Variants in SLC6A19 observed in about 807,000 individuals in gnomAD.
SLC6A19 encodes the protein sodium-dependent neutral amino acid transporter B(0)AT1.
In SLC6A19, 67 loss-of-function variants were observed where a neutral mutation model predicts 68.3. The observed-to-expected ratio is 0.98, with a 90% CI of 0.81 to 1.20. The LOEUF (loss-of-function observed/expected upper bound fraction) is 1.20. Ranked by LOEUF, SLC6A19 falls within the 50% of genes most tolerant of loss-of-function variation. The pLI, the probability that SLC6A19 is intolerant of heterozygous loss-of-function variation, is 0.00. For missense variants in SLC6A19, 813 were observed against 851.6 expected, an observed-to-expected ratio of 0.95 and a Z score of 0.56; for synonymous variants, 392 against 374.9, an observed-to-expected ratio of 1.05 and a Z score of -0.53.
chr5:1,210,388 G>C, intron 2 of SLC6A19, 56 bp from the exon 3 acceptor site: 2 of 1,606,062 alleles, frequency 1.2e-6, no homozygotes, highest in Middle Eastern at 1.7e-4. Flanking sequence ...AGTGGGGATG[G>C]GTGGCCAGTG....
In SLC6A19 at chr5:1,219,084, A is replaced by T. The variant is rs780562887; in HGVS notation, c.1355A>T (p.Lys452Met). The T allele has an allele frequency of 6.2e-7, 1 of 1,613,652 alleles. No individual in the cohort carries two copies. The highest frequency in any genetic ancestry group is 8.5e-7 in the Non-Finnish European group (1 of 1,179,852). ...PLQDLRVIPP[K>M]WPKEVLTGLI... ...CAGGACCTCAGAGTCATCCCCCCGA[A>T]GTGGCCCAAGGAGGTGCTCACAGGT... The change falls in exon 9 of 12, where the codon AAG (lysine) becomes ATG (methionine). Residue 452 changes from lysine to methionine, a missense_variant. Physicochemically the swap from Lys to Met is moderately conservative, Grantham distance 95 (BLOSUM62 -1). Coordinates refer to ENST00000304460, the MANE Select transcript of SLC6A19 (RefSeq NM_001003841.3).
intron 1 of SLC6A19, among the ~76,000 whole-genome samples, chr5:1,207,162 C>A (rs955103123): frequency 3.9e-5 from 6 of 152,232 alleles, no homozygotes; most frequent in Non-Finnish European, 8.8e-5. Context: ...TGACCCTCGT[C>A]CTTCTCCACC....
rs1367067098 is a variant in SLC6A19 at position 1,209,389 on chromosome 5, G to T, written c.343+503G>T. Among the ~76,000 whole-genome samples, 2 of 152,194 alleles carry T rather than the reference G, an allele frequency of 1.3e-5. No individual in the cohort carries two copies. Among genetic ancestry groups the T allele is most frequent in the African/African-American group, 4.8e-5 (2 of 41,448 alleles). ...CTCAGAATATGGGCAGACGGTGAAAGACGGAGGAGGAAAGGGCAGGGTCCA... is the reference window on the plus strand; with the variant it reads ...CTCAGAATATGGGCAGACGGTGAAATACGGAGGAGGAAAGGGCAGGGTCCA... On this transcript the variant is annotated intron_variant, in intron 2 of 11. Transcript: ENST00000304460. The surrounding 1 kb of genome is among the most constrained non-coding windows in gnomAD (Gnocchi z 5.5).
intron 8 of SLC6A19, 82 bp downstream of exon 8, chr5:1,217,027 C>T: frequency 1.2e-6 from 2 of 1,600,032 alleles, no homozygotes; most frequent in South Asian, 1.1e-5. Context: ...GGGCCCCTGG[C>T]CTGTGGAGGA....
chr5:1,223,019 T>C lies in SLC6A19; in HGVS notation c.*1115T>C, dbSNP rs891503480. On this transcript the variant is annotated 3_prime_UTR_variant, in exon 12 of 12. Transcript: ENST00000304460. The stretch of plus-strand genomic sequence containing the variant: ...ATCCCCTTCCCCTTGGTGTTGACCT[T>C]TGACCTGGGGGTTCCCAGAGCCCTG... The C allele has an allele frequency of 6.6e-6, 1 of 152,196 alleles. No individual in the cohort carries two copies. The highest frequency in any genetic ancestry group is 1.5e-5 in the Non-Finnish European group (1 of 68,034). The allele number at this position is 152,196 out of a possible 1,614,324, so 9.4% of individuals were successfully genotyped here.
Position 1,213,976 on chromosome 5 carries a change from C to T in SLC6A19, c.798C>T (p.Asp266=). The T allele has an allele frequency of 1.9e-6, 3 of 1,613,500 alleles. No individual in the cohort carries two copies. The highest frequency in any genetic ancestry group is 1.7e-6 in the Non-Finnish European group (2 of 1,179,994). Residue 266 remains aspartate (D), a synonymous_variant, in exon 6 of 12, where the codon GAC becomes GAT. Transcript: ENST00000304460. ...AGGTCACGGAGCTGGCCCAGCCGGACACCTGGCTGGACGCGGGCGCACAGG... is the reference window on the plus strand; with the variant it reads ...AGGTCACGGAGCTGGCCCAGCCGGATACCTGGCTGGACGCGGGCGCACAGG... ...TPNVTELAQP[D]TWLDAGAQVF...
chr5:1,214,152 C>A lies in SLC6A19; in HGVS notation c.887+87C>A. 6.3e-7 allele frequency: 1 copy of A among 1,591,042 alleles called. No individual in the cohort carries two copies. Among genetic ancestry groups the A allele is most frequent in the Non-Finnish European group, 8.6e-7 (1 of 1,169,260 alleles). ...GATAAAAGACAAGGTGGAAAGCACT[C>A]TGTGGCTGTGTGGCCGGGGCCTTGC... On this transcript the variant is annotated intron_variant, in intron 6 of 11. Coordinates refer to ENST00000304460, the MANE Select transcript of SLC6A19 (RefSeq NM_001003841.3). This position sits in a 1 kb window ranked among gnomAD's most constrained non-coding sequence, Gnocchi z 7.4.
At chr5:1,220,648 A>G (rs1746351644) in intron 10 of SLC6A19, among the ~76,000 whole-genome samples, 1 of 152,124 alleles carries the variant, frequency 6.6e-6, no homozygotes, top group African/African-American at 2.4e-5. Flanking sequence ...CCACCTGGAC[A>G]CTGCAGGCCT....
At chr5:1,206,488 G>C (rs973041901) in intron 1 of SLC6A19, among the ~76,000 whole-genome samples, 1 of 152,120 alleles carries the variant, frequency 6.6e-6, no homozygotes, top group Non-Finnish European at 1.5e-5. Flanking sequence ...GGTAGTTTGG[G>C]ATCTGACATG....
chr5:1,209,540 G>C lies in SLC6A19; in HGVS notation c.343+654G>C, dbSNP rs1745961785. On this transcript the variant is annotated intron_variant, in intron 2 of 11. Coordinates refer to ENST00000304460, the MANE Select transcript of SLC6A19 (RefSeq NM_001003841.3). This position sits in a 1 kb window ranked among gnomAD's most constrained non-coding sequence, Gnocchi z 5.5. ...AAGGCCTCCCTCCAGGCCCAGGGCA[G>C]AGCCCACACCCTCTCGCTGAGTATC... 6.6e-6 allele frequency among the ~76,000 whole-genome samples: 1 copy of C among 152,054 alleles called. No homozygotes were observed. Among genetic ancestry groups the C allele is most frequent in the African/African-American group, 2.4e-5 (1 of 41,398 alleles).
At position 1,214,251 on chromosome 5, in the gene SLC6A19, G is replaced by A. The variant is rs192296447; in HGVS notation, c.887+186G>A. On this transcript the variant is annotated intron_variant, in intron 6 of 11. Coordinates refer to ENST00000304460, the MANE Select transcript of SLC6A19 (RefSeq NM_001003841.3). The surrounding 1 kb of genome is among the most constrained non-coding windows in gnomAD (Gnocchi z 7.4). The stretch of plus-strand genomic sequence containing the variant: ...TCTAGAGTGCAGCATGTGGAGGAGG[G>A]GCAGGTCTCCCTGTGAGGAGGGCCA... 9.9e-5 allele frequency among the ~76,000 whole-genome samples: 15 copies of A among 152,210 alleles called. No individual in the cohort carries two copies. The East Asian group carries it at 2.9e-3, about 29-fold the overall frequency.
chr5:1,214,054 C>T lies in SLC6A19; in HGVS notation c.876C>T (p.Tyr292=), dbSNP rs1176701267. 9 of 1,613,758 alleles carry T rather than the reference C, an allele frequency of 5.6e-6. No homozygotes were observed. The highest frequency in any genetic ancestry group is 3.3e-5 in the Admixed American group (2 of 60,004). The change falls in exon 6 of 12, where the codon TAC becomes TAT. Residue 292 remains tyrosine, a synonymous_variant. Transcript: ENST00000304460. The surrounding 1 kb of genome is among the most constrained non-coding windows in gnomAD (Gnocchi z 7.4). ...AFGGLISFSS[Y]NSVHNNCEKD... ...GGGGCCTCATCTCCTTCTCCAGCTA[C>T]AACTCTGTGCAGTGAGTGCGGGTGT...
At chr5:1,219,279 C>T (rs185043489) in intron 9 of SLC6A19, among the ~76,000 whole-genome samples, 172 bp downstream of exon 9, 47 of 147,760 alleles carry the variant, frequency 3.2e-4, no homozygotes, top group African/African-American at 9.2e-4. Context: ...GCTCTGTCCC[C>T]GGCCGTGTGT....
intron 3 of SLC6A19, among the ~76,000 whole-genome samples, chr5:1,211,248 T>G (rs4076926): frequency 0.2 from 30,060 of 152,150 alleles, 3,378 homozygotes; most frequent in African/African-American, 0.31. Context: ...CGTGCAACCC[T>G]CACTGCTCGC....
intron 1 of SLC6A19, among the ~76,000 whole-genome samples, chr5:1,208,315 G>T (rs965525786): frequency 6.6e-6 from 1 of 152,198 alleles, no homozygotes; most frequent in Non-Finnish European, 1.5e-5. Context: ...TGGCACAGGC[G>T]GGGCAGGAGT....
At chr5:1,213,723 G>A (rs551577678) in intron 5 of SLC6A19, 150 bp downstream of exon 5, 50 of 1,059,040 alleles carry the variant, frequency 4.7e-5, no homozygotes, top group African/African-American at 1.4e-4. Context: ...CGGGGCCAGC[G>A]AGGGCAAGGC....
Position 1,219,740 on chromosome 5 carries a change from C to T in SLC6A19, c.1538+76C>T, listed in dbSNP as rs543532675. The T allele has an allele frequency of 8.9e-5, 142 of 1,589,678 alleles. 1 individual carries two copies. Among genetic ancestry groups the T allele is most frequent in the African/African-American group, 1.2e-4 (9 of 74,824 alleles). On this transcript the variant is annotated intron_variant, in intron 10 of 11. Coordinates refer to ENST00000304460, the MANE Select transcript of SLC6A19 (RefSeq NM_001003841.3). ...CAGGGCGTTCCTGTGAGGGAGGACC[C>T]GGGCTGTGTTCAGGGTACGGAGGGA...
chr5:1,213,649 C>G, intron 5 of SLC6A19, 76 bp downstream of exon 5: 4 of 1,370,480 alleles, frequency 2.9e-6, no homozygotes, highest in Non-Finnish European at 4.1e-6. Flanking sequence ...AGCCTCAATA[C>G]CAGCTCTCAC....
chr5:1,203,008 A>G (rs1232333731), intron 1 of SLC6A19, among the ~76,000 whole-genome samples: 1 of 152,102 alleles, frequency 6.6e-6, no homozygotes, highest in African/African-American at 2.4e-5. Context: ...CCAAAGCCTC[A>G]GGGGACTTCC....
Sources: allele counts gnomAD v4.1 joint callset (sites outside exome capture counted in the v4.1 genomes callset), GRCh38; gene constraint gnomAD v4.1.1; non-coding constraint Gnocchi (gnomAD v3.1); transcripts MANE v1.5; gene names NCBI Gene and HGNC (gene_info 2026-07-23, HGNC 2026-07-21).